ODR4: variants seen among roughly 807,000 people sequenced by gnomAD.
The protein encoded by ODR4 is protein odr-4 homolog.
A neutral mutation model predicts 60.2 loss-of-function variants in ODR4; 47 were observed. That is an observed-to-expected ratio of 0.78 (90% CI 0.62 to 1.00). ODR4 has a LOEUF of 1.00. Among genes scored for constraint, ODR4 ranks in the 50% least tolerant of loss-of-function variants. The pLI is 0.00. For synonymous variants in ODR4, 178 were observed against 175.5 expected (o/e 1.01, Z -0.11); for missense variants, 488 against 530.8 (o/e 0.92, Z 0.79).
At chr1:186,418,448 G>T (rs6677178) in intron 13 of ODR4, among the ~76,000 whole-genome samples, 1 of 152,004 alleles carries the variant, frequency 6.6e-6, no homozygotes, top group South Asian at 2.1e-4. Context: ...CCGCCACCGC[G>T]CCCGGCTAAT....
intron 12 of ODR4, among the ~76,000 whole-genome samples, chr1:186,413,045 C>T (rs1396350617): frequency 4.6e-5 from 7 of 152,014 alleles, no homozygotes; most frequent in Non-Finnish European, 1.5e-5. Context: ...GAATCAATTA[C>T]TACGCATTTA....
chr1:186,385,963 G>A, intron 3 of ODR4, 25 bp from the exon 4 acceptor site: 2 of 1,423,482 alleles, frequency 1.4e-6, no homozygotes, highest in Non-Finnish European at 2.0e-6. Context: ...CAATTTGTTA[G>A]CTAATAATAT....
chr1:186,405,912 G>A (rs115148843), intron 11 of ODR4, among the ~76,000 whole-genome samples, 171 bp from the exon 12 acceptor site: 2,845 of 152,210 alleles, frequency 0.019, 47 homozygotes, highest in Middle Eastern at 0.071. Flanking sequence ...GGGTTTTGAG[G>A]TAAAGCAGAA....
chr1:186,394,122 A>G lies in ODR4; in HGVS notation c.780+107A>G, dbSNP rs1660578876. Reference sequence around the variant, plus strand: ...AGAATAAAAGGATTTTAGAGCTGTAAGAGACTGTATGAAATGGCTGGTTAT... The same window carrying G: ...AGAATAAAAGGATTTTAGAGCTGTAGGAGACTGTATGAAATGGCTGGTTAT... On this transcript the variant is annotated intron_variant, in intron 9 of 13. Transcript: ENST00000287859. 7 of 676,814 alleles carry G rather than the reference A, an allele frequency of 1.0e-5. No individual in the cohort carries two copies. In the East Asian group the frequency reaches 1.7e-4, roughly 17 times the overall value. 41.9% of individuals were successfully genotyped at this position (676,814 alleles called of 1,614,324 possible).
At chr1:186,415,110 TTTTTTTG>T (rs1331987170) in intron 12 of ODR4, among the ~76,000 whole-genome samples, 1 of 126,260 alleles carries the variant, frequency 7.9e-6, no homozygotes. Flanking sequence ...GGGGGGAGGG[TTTTTTTG>T]TTTTTTGTTT....
At chr1:186,378,580 AC>A (rs1364588984) in intron 1 of ODR4, among the ~76,000 whole-genome samples, 2 of 152,220 alleles carry the variant, frequency 1.3e-5, no homozygotes, top group African/African-American at 2.4e-5. Context: ...AGTAAGAGCT[AC>A]CCGTAGTAAT....
At chr1:186,406,357 A>AT (rs555807474) in intron 12 of ODR4, 89 bp downstream of exon 12, 49 of 1,014,568 alleles carry the variant, frequency 4.8e-5, no homozygotes, top group South Asian at 6.7e-5. Flanking sequence ...ATGTCTTTAG[A>AT]TTTTTTTTAA....
intron 11 of ODR4, among the ~76,000 whole-genome samples, chr1:186,400,023 G>A (rs1231232486): frequency 1.7e-5 from 2 of 114,974 alleles, no homozygotes; most frequent in Non-Finnish European, 3.3e-5. Context: ...ACGGAGTTTC[G>A]CTCTGTCGCC....
At chr1:186,395,393 A>T (rs1660633894) in intron 9 of ODR4, among the ~76,000 whole-genome samples, 1 of 152,028 alleles carries the variant, frequency 6.6e-6, no homozygotes, top group East Asian at 1.9e-4. Flanking sequence ...GCGCCTGGCC[A>T]GGTGTAGTAA....
chr1:186,389,633 TTTACTC>T lies in ODR4; in HGVS notation c.474+12_474+17del. The T allele has an allele frequency of 6.7e-7, 1 of 1,486,950 alleles. No homozygotes were observed. Among genetic ancestry groups the T allele is most frequent in the Non-Finnish European group, 9.1e-7 (1 of 1,098,190 alleles). 92.1% of individuals were successfully genotyped at this position (1,486,950 alleles called of 1,614,324 possible). ...ATATCCATGATCCAAAGGTAAGAAA[TTTACTC>T]TTTAAAGATTTTTCTGTGTCACAAA... On this transcript the variant is annotated intron_variant, in intron 6 of 13. Transcript: ENST00000287859.
intron 11 of ODR4, among the ~76,000 whole-genome samples, chr1:186,399,711 T>C (rs977396332): frequency 1.3e-5 from 2 of 152,134 alleles, no homozygotes; most frequent in African/African-American, 4.8e-5. Context: ...ATATTATTAG[T>C]GTTAAATACT....
At position 186,394,516 on chromosome 1, in the gene ODR4, T is replaced by C. The variant is rs1660597787; in HGVS notation, c.780+501T>C. On this transcript the variant is annotated intron_variant, in intron 9 of 13. Coordinates refer to ENST00000287859, the MANE Select transcript of ODR4 (RefSeq NM_017847.6). ...TTTTCGAAAATTTAAAAGTTGGATA[T>C]CTTAAAGAATAAAAAGTTAAAGCCA... 2.0e-5 allele frequency among the ~76,000 whole-genome samples: 3 copies of C among 152,168 alleles called. No individual in the cohort carries two copies. In the South Asian group the frequency reaches 6.2e-4, roughly 31 times the overall value.
chr1:186,409,023 A>T (rs1248819901), intron 12 of ODR4, among the ~76,000 whole-genome samples: 1 of 151,974 alleles, frequency 6.6e-6, no homozygotes, highest in Non-Finnish European at 1.5e-5. Context: ...TTAGTAACAG[A>T]GGTTTATATT....
At chr1:186,430,296 A>G in the ODR4 span, among the ~76,000 whole-genome samples, 1 of 152,216 alleles carries the variant, frequency 6.6e-6, no homozygotes, top group South Asian at 2.1e-4. Flanking sequence ...TTTGTACTGT[A>G]CTATGGAACT....
chr1:186,425,593 G>A (rs955167467), downstream of ODR4, among the ~76,000 whole-genome samples: 6 of 152,096 alleles, frequency 3.9e-5, no homozygotes, highest in Non-Finnish European at 7.4e-5. Flanking sequence ...GAACTCAGAG[G>A]ATGTTGAGGA....
At chr1:186,377,403 A>G (rs1187407969) in intron 1 of ODR4, among the ~76,000 whole-genome samples, 1 of 152,216 alleles carries the variant, frequency 6.6e-6, no homozygotes, top group Admixed American at 6.5e-5. Context: ...TCTGACATTC[A>G]ATCAGATTTC....
chr1:186,430,129 G>A, the ODR4 span, among the ~76,000 whole-genome samples: 2 of 152,012 alleles, frequency 1.3e-5, no homozygotes, highest in Non-Finnish European at 2.9e-5. Context: ...AATAGAAATA[G>A]ACTTTGATTA....
the ODR4 span, among the ~76,000 whole-genome samples, chr1:186,431,914 G>T: frequency 6.6e-6 from 1 of 152,170 alleles, no homozygotes; most frequent in African/African-American, 2.4e-5. Flanking sequence ...GAAGTAGGGA[G>T]TGGGAAAAGT....
At position 186,398,335 on chromosome 1, in the gene ODR4, C is replaced by T. The variant is rs528590496; in HGVS notation, c.803C>T (p.Ser268Phe). 38 of 1,601,930 alleles carry T rather than the reference C, an allele frequency of 2.4e-5. No homozygotes were observed. The Admixed American group carries it at 6.5e-4, about 27-fold the overall frequency. ...CAGCTCCTGAATTCAGACCACAGAT[C>T]CACAGCCACAGTCCAGATATGTAGC... The part of the protein sequence containing the change: ...TQLLLNSDHR[S>F]TATVQICSGS... Residue 268 changes from serine (S) to phenylalanine (F), a missense_variant, in exon 10 of 14, where the codon TCC becomes TTC. Ser to Phe is a radical substitution (Grantham distance 155). Coordinates refer to ENST00000287859, the MANE Select transcript of ODR4 (RefSeq NM_017847.6).
Sources: allele counts gnomAD v4.1 joint callset (sites outside exome capture counted in the v4.1 genomes callset), GRCh38; gene constraint gnomAD v4.1.1; transcripts MANE v1.5; gene names NCBI Gene and HGNC (gene_info 2026-07-23, HGNC 2026-07-21).